The following GABRA3 variants were observed in gnomAD, a reference collection of about 807,000 sequenced individuals.
GABRA3 encodes gamma-aminobutyric acid receptor subunit alpha-3.
A neutral mutation model predicts 30.1 loss-of-function variants in GABRA3; 10 were observed. The observed-to-expected ratio is 0.33, with a 90% CI of 0.20 to 0.56. The LOEUF (loss-of-function observed/expected upper bound fraction) is 0.56. Ranked by LOEUF, GABRA3 falls within the 20% of genes least tolerant of loss-of-function variation. The pLI, the probability that GABRA3 is intolerant of heterozygous loss-of-function variation, is 0.89. For missense variants in GABRA3, 233 were observed against 392.0 expected, an observed-to-expected ratio of 0.59 and a Z score of 3.42; for synonymous variants, 151 against 146.8, an observed-to-expected ratio of 1.03 and a Z score of -0.21.
intron 5 of GABRA3, among the ~76,000 whole-genome samples, chrX:152,237,035 A>G (rs1337583353): frequency 1.8e-5 from 2 of 108,704 alleles, no homozygotes; most frequent in Non-Finnish European, 3.8e-5. Context: ...TTTTGTTGCC[A>G]TTGCTTTTGG....
chrX:152,187,838 T>C (rs1482607007), intron 9 of GABRA3, among the ~76,000 whole-genome samples: 1 of 112,266 alleles, frequency 8.9e-6, no homozygotes, highest in Non-Finnish European at 1.9e-5. Context: ...CAAACTATCA[T>C]GCGATTAACA....
chrX:152,246,077 C>T (rs1169914198), intron 5 of GABRA3, among the ~76,000 whole-genome samples: 1 of 111,555 alleles, frequency 9.0e-6, no homozygotes, highest in Admixed American at 9.5e-5. Context: ...AGAGAAATGC[C>T]TTGTCCATGG....
At chrX:152,300,869 C>T (rs1939618710) in intron 3 of GABRA3, among the ~76,000 whole-genome samples, 1 of 111,315 alleles carries the variant, frequency 9.0e-6, no homozygotes, top group Non-Finnish European at 1.9e-5. Flanking sequence ...AACAAATAGC[C>T]TTATTGGATA....
intron 1 of GABRA3, among the ~76,000 whole-genome samples, chrX:152,428,978 A>T: frequency 9.0e-6 from 1 of 111,383 alleles, no homozygotes; most frequent in Admixed American, 9.6e-5. Context: ...AAAGAAAGAA[A>T]ATGGAGTGAC....
intron 1 of GABRA3, among the ~76,000 whole-genome samples, chrX:152,415,821 C>T (rs1288329766): frequency 9.0e-6 from 1 of 111,004 alleles, no homozygotes; most frequent in Non-Finnish European, 1.9e-5. Context: ...TTAAAGGTAA[C>T]ATTAACTAGG....
intron 1 of GABRA3, among the ~76,000 whole-genome samples, chrX:152,440,863 G>C (rs1470047352): frequency 4.5e-5 from 5 of 110,810 alleles, no homozygotes; most frequent in Non-Finnish European, 7.6e-5. Flanking sequence ...GGGCCCGTCA[G>C]GGGGTGGGAG....
intron 5 of GABRA3, among the ~76,000 whole-genome samples, chrX:152,237,271 G>C (rs1194233653): frequency 9.1e-6 from 1 of 110,078 alleles, no homozygotes; most frequent in African/African-American, 3.3e-5. Flanking sequence ...CCCATTTCTT[G>C]TTTTTCTCAG....
At chrX:152,274,328 C>T (rs1031215868) in intron 4 of GABRA3, among the ~76,000 whole-genome samples, 7 of 110,552 alleles carry the variant, frequency 6.3e-5, no homozygotes, top group Admixed American at 2.9e-4. Context: ...CTAATAAACA[C>T]TCATAAACTT....
Position 152,183,942 on chromosome X carries a change from T to C in GABRA3, c.1143+5788A>G, listed in dbSNP as rs184417462. ...TCGATATAATTTTTCTTTTTAAGTT[T>C]GGATGAACTTCCTGGTTTTATCCCT... is the stretch of plus-strand genomic sequence containing the variant. On this transcript the variant is annotated intron_variant, in intron 9 of 9. Transcript: ENST00000370314. Among the ~76,000 whole-genome samples the C allele has an allele frequency of 5.7e-3, 632 of 111,461 alleles. 7 individuals carry two copies. The highest frequency in any genetic ancestry group is 0.02 in the African/African-American group (607 of 30,862).
chrX:152,318,935 G>C (rs1939919538), intron 3 of GABRA3, among the ~76,000 whole-genome samples: 2 of 111,214 alleles, frequency 1.8e-5, no homozygotes, highest in African/African-American at 6.5e-5. Context: ...AACAAGACAA[G>C]GATGCCCATT....
At chrX:152,402,942 A>C (rs899406016) in intron 1 of GABRA3, among the ~76,000 whole-genome samples, 2 of 112,098 alleles carry the variant, frequency 1.8e-5, no homozygotes, top group Non-Finnish European at 3.8e-5. Flanking sequence ...AGAGAGTATA[A>C]AATTGAATAA....
chrX:152,394,291 G>A, intron 1 of GABRA3: 1 of 301,195 alleles, frequency 3.3e-6, no homozygotes, highest in East Asian at 9.5e-5. Flanking sequence ...ATCCATTATT[G>A]TAAATATGAC....
intron 3 of GABRA3, among the ~76,000 whole-genome samples, chrX:152,326,736 A>G (rs953919082): frequency 3.6e-5 from 4 of 111,600 alleles, no homozygotes; most frequent in African/African-American, 6.5e-5. Context: ...ACTGGTACCA[A>G]CCACTGCAAA....
At chrX:152,173,534 C>A (rs1439595806) in intron 9 of GABRA3, among the ~76,000 whole-genome samples, 1 of 111,095 alleles carries the variant, frequency 9.0e-6, no homozygotes, top group African/African-American at 3.3e-5. Context: ...GCAATCTCTG[C>A]CTCCCGGGTT....
chrX:152,180,821 A>G (rs1179481596), intron 9 of GABRA3, among the ~76,000 whole-genome samples: 1 of 111,984 alleles, frequency 8.9e-6, no homozygotes, highest in African/African-American at 3.2e-5. Context: ...TGTGTTCTAG[A>G]TACCTTTGTG....
intron 1 of GABRA3, among the ~76,000 whole-genome samples, chrX:152,429,228 C>A (rs759179928): frequency 9.0e-6 from 1 of 110,774 alleles, no homozygotes; most frequent in East Asian, 2.9e-4. Context: ...ATTCCTTCCA[C>A]TACTTCTATT....
At chrX:152,173,760 G>T (rs191282704) in intron 9 of GABRA3, among the ~76,000 whole-genome samples, 19 of 110,213 alleles carry the variant, frequency 1.7e-4, no homozygotes, top group South Asian at 3.9e-4. Context: ...ATGAGCCACC[G>T]CGCCTGGCTA....
chrX:152,231,191 A>G (rs1938064797), intron 5 of GABRA3, among the ~76,000 whole-genome samples: 1 of 107,981 alleles, frequency 9.3e-6, no homozygotes, highest in Admixed American at 1.0e-4. Context: ...ATATGTATAT[A>G]TACACATATA....
chrX:152,363,087 T>C (rs1313263830), intron 2 of GABRA3, among the ~76,000 whole-genome samples: 2 of 111,576 alleles, frequency 1.8e-5, no homozygotes, highest in African/African-American at 6.5e-5. Context: ...CATTTACATA[T>C]ATAAGGTAAC....
Sources: allele counts gnomAD v4.1 joint callset (sites outside exome capture counted in the v4.1 genomes callset), GRCh38; gene constraint gnomAD v4.1.1; transcripts MANE v1.5; gene names NCBI Gene and HGNC (gene_info 2026-07-23, HGNC 2026-07-21).